The following ZNF365 variants were observed in gnomAD, a reference collection of about 807,000 sequenced individuals.
ZNF365 encodes protein ZNF365.
ZNF365 carries 22 observed loss-of-function variants against 35.0 expected under a neutral mutation model. That is an observed-to-expected ratio of 0.63 (90% CI 0.45 to 0.90). ZNF365 has a LOEUF of 0.90. ZNF365 is among the 40% of genes least tolerant of loss of function. The pLI, the probability that ZNF365 is intolerant of heterozygous loss-of-function variation, is 0.00. For missense variants in ZNF365, 448 were observed against 500.3 expected, an observed-to-expected ratio of 0.90 and a Z score of 1.00; for synonymous variants, 188 against 196.2, an observed-to-expected ratio of 0.96 and a Z score of 0.35.
intron 3 of ZNF365, among the ~76,000 whole-genome samples, chr10:62,392,096 T>G (rs1027299660): frequency 2.6e-5 from 4 of 152,220 alleles, no homozygotes; most frequent in Non-Finnish European, 5.9e-5. Flanking sequence ...CTGATGGGAT[T>G]GTTTTTTTCT....
In ZNF365 at chr10:62,401,914, TA is replaced by T. The variant is rs1325371761; in HGVS notation, c.*2129del. 1.6e-5 allele frequency: 16 copies of T among 985,214 alleles called. No individual in the cohort carries two copies. Among genetic ancestry groups the T allele is most frequent in the African/African-American group, 1.7e-5 (1 of 57,242 alleles). The allele number at this position is 985,214 out of a possible 1,614,324, so 61.0% of individuals were successfully genotyped here. Reference sequence around the variant, plus strand: ...TTATTTTGAGATTTGTTTATTATATTAAAATGTTTTTTTACGTTCCCACTAA... The same window carrying T: ...TTATTTTGAGATTTGTTTATTATATTAAATGTTTTTTTACGTTCCCACTAA... On this transcript the variant is annotated 3_prime_UTR_variant, in exon 5 of 5. Transcript: ENST00000395254.
chr10:62,409,190 A>G (rs1839948984), intron 3 of ZNF365, among the ~76,000 whole-genome samples: 1 of 152,208 alleles, frequency 6.6e-6, no homozygotes, highest in African/African-American at 2.4e-5. Context: ...TAGGATGTGT[A>G]TAAAATCCTG....
intron 4 of ZNF365, among the ~76,000 whole-genome samples, chr10:62,472,831 C>T (rs1000431745): frequency 6.6e-6 from 1 of 152,100 alleles, no homozygotes; most frequent in Non-Finnish European, 1.5e-5. Flanking sequence ...TTTAGTCTTT[C>T]CTAATTGTTG....
At chr10:62,398,460 G>T (rs114747123) in intron 3 of ZNF365, among the ~76,000 whole-genome samples, 3 of 152,116 alleles carry the variant, frequency 2.0e-5, no homozygotes, top group South Asian at 2.1e-4. Context: ...CTACTGGGGG[G>T]CTCTTTTGCG....
intron 3 of ZNF365, among the ~76,000 whole-genome samples, chr10:62,419,928 T>C (rs4745979): frequency 0.61 from 93,356 of 151,844 alleles, 29,399 homozygotes; most frequent in East Asian, 0.84. Flanking sequence ...ACTTTTTAGG[T>C]TATTATAATT....
chr10:62,384,976 A>G (rs1311915921), intron 2 of ZNF365, among the ~76,000 whole-genome samples: 2 of 152,208 alleles, frequency 1.3e-5, no homozygotes, highest in Non-Finnish European at 2.9e-5. Context: ...ACTGAACAGG[A>G]TGTGAATGAA....
chr10:62,376,994 C>T, intron 2 of ZNF365, 58 bp downstream of exon 2: 1 of 1,536,490 alleles, frequency 6.5e-7, no homozygotes, highest in Non-Finnish European at 8.7e-7. Context: ...CCCCAATCGC[C>T]TTACAAGCAA....
At chr10:62,417,274 G>A in intron 3 of ZNF365, among the ~76,000 whole-genome samples, 1 of 152,186 alleles carries the variant, frequency 6.6e-6, no homozygotes, top group East Asian at 1.9e-4. Context: ...TGTCTGAAGT[G>A]TTTGGAGTAG....
chr10:62,461,971 C>T (rs1363748104), intron 4 of ZNF365, among the ~76,000 whole-genome samples: 2 of 151,896 alleles, frequency 1.3e-5, no homozygotes, highest in Non-Finnish European at 2.9e-5. Context: ...GAATTCTCTC[C>T]CCATCCTTTT....
chr10:62,450,967 C>G (rs1371428977), intron 3 of ZNF365, among the ~76,000 whole-genome samples: 1 of 152,106 alleles, frequency 6.6e-6, no homozygotes, highest in African/African-American at 2.4e-5. Flanking sequence ...CGTTTTTGAA[C>G]AAGAGCACAA....
At chr10:62,462,240 G>T (rs1027429813) in intron 4 of ZNF365, among the ~76,000 whole-genome samples, 13 of 152,216 alleles carry the variant, frequency 8.5e-5, no homozygotes, top group Non-Finnish European at 1.9e-4. Context: ...ACTCAACTGT[G>T]TTTGCTCTCC....
intron 3 of ZNF365, among the ~76,000 whole-genome samples, chr10:62,422,602 G>C (rs1031988834): frequency 6.6e-6 from 1 of 152,182 alleles, no homozygotes; most frequent in Non-Finnish European, 1.5e-5. Flanking sequence ...AACCCAGTAG[G>C]AGAAACAGTG....
At chr10:62,439,099 C>T (rs1448791442) in intron 3 of ZNF365, among the ~76,000 whole-genome samples, 1 of 152,166 alleles carries the variant, frequency 6.6e-6, no homozygotes, top group Non-Finnish European at 1.5e-5. Flanking sequence ...GTTGATACTA[C>T]ACTTATGGTT....
At chr10:62,413,509 C>A (rs1050092427) in intron 3 of ZNF365, among the ~76,000 whole-genome samples, 5 of 152,056 alleles carry the variant, frequency 3.3e-5, no homozygotes, top group African/African-American at 1.2e-4. Flanking sequence ...CACTGAGCAC[C>A]CCTCTGTCTT....
At chr10:62,450,110 TA>T (rs757628972) in intron 3 of ZNF365, among the ~76,000 whole-genome samples, 30 of 150,260 alleles carry the variant, frequency 2.0e-4, no homozygotes, top group South Asian at 4.2e-4. Context: ...CCAACTCCAT[TA>T]AAAAAAAAAT....
At chr10:62,388,189 T>C (rs1839555330) in intron 2 of ZNF365, among the ~76,000 whole-genome samples, 1 of 152,232 alleles carries the variant, frequency 6.6e-6, no homozygotes, top group South Asian at 2.1e-4. Flanking sequence ...ATATATTTAT[T>C]TGTTTGTTTT....
chr10:62,448,194 G>A (rs1441619275), intron 3 of ZNF365, among the ~76,000 whole-genome samples: 1 of 152,130 alleles, frequency 6.6e-6, no homozygotes. Context: ...TTTACAGTGG[G>A]CTTTCTTTTT....
At chr10:62,408,508 T>C (rs1839937419) in intron 3 of ZNF365, among the ~76,000 whole-genome samples, 1 of 152,188 alleles carries the variant, frequency 6.6e-6, no homozygotes, top group African/African-American at 2.4e-5. Flanking sequence ...CCTCATTGTC[T>C]CTCTTTGTAT....
chr10:62,446,025 C>A (rs1009717292), intron 3 of ZNF365, among the ~76,000 whole-genome samples: 1 of 152,102 alleles, frequency 6.6e-6, no homozygotes, highest in Non-Finnish European at 1.5e-5. Context: ...TGAGCAGTTC[C>A]CACTCACATA....
Sources: gnomAD v4.1 joint callset for allele counts (sites outside exome capture counted in the v4.1 genomes callset) on GRCh38, gnomAD v4.1.1 for gene constraint, MANE v1.5 for transcripts, NCBI Gene and HGNC (gene_info 2026-07-23, HGNC 2026-07-21) for gene names.